The following UBE2E3 variants were observed in gnomAD, a reference collection of about 807,000 sequenced individuals.
The protein encoded by UBE2E3 is ubiquitin conjugating enzyme E2 E3, also known as ubiquitin-conjugating enzyme E2 E3.
UBE2E3 carries 5 observed loss-of-function variants against 23.6 expected under a neutral mutation model. The ratio of observed to expected loss-of-function variants is 0.21; its 90% CI spans 0.11 to 0.44. UBE2E3 has a LOEUF of 0.44. Ranked by LOEUF, UBE2E3 falls within the 20% of genes least tolerant of loss-of-function variation. The probability of loss-of-function intolerance (pLI) is 0.99; values close to 1 mark genes in which losing one functional copy is unlikely to be tolerated. For missense variants in UBE2E3, 81 were observed against 249.8 expected (o/e 0.32, Z 4.55); for synonymous variants, 78 against 87.5 (o/e 0.89, Z 0.60).
At chr2:181,057,590 T>C (rs1056968546) in intron 3 of UBE2E3, 103 bp from the exon 4 acceptor site, 1 of 898,780 alleles carries the variant, frequency 1.1e-6, no homozygotes, top group Non-Finnish European at 1.7e-6. Flanking sequence ...TTACTTCTTA[T>C]TGCTCTAGAT....
At chr2:181,035,045 A>G (rs1347323952) in intron 3 of UBE2E3, among the ~76,000 whole-genome samples, 1 of 152,234 alleles carries the variant, frequency 6.6e-6, no homozygotes, top group Non-Finnish European at 1.5e-5. Flanking sequence ...GAAAAGCTAC[A>G]TAATAAATAT....
chr2:181,025,556 T>C (rs1685857923), intron 3 of UBE2E3, among the ~76,000 whole-genome samples: 2 of 152,088 alleles, frequency 1.3e-5, no homozygotes, highest in South Asian at 4.1e-4. Context: ...AAGTTGTTAA[T>C]AGTTGTAAAA....
At chr2:181,058,942 G>A (rs1160134106) in intron 4 of UBE2E3, among the ~76,000 whole-genome samples, 1 of 151,466 alleles carries the variant, frequency 6.6e-6, no homozygotes, top group African/African-American at 2.4e-5. Context: ...TTGCATATGG[G>A]GAAGATTAAT....
In UBE2E3 at chr2:181,021,182, G is replaced by T. The variant is rs149929896; in HGVS notation, c.246-36511G>T. 9.2e-5 allele frequency among the ~76,000 whole-genome samples: 14 copies of T among 152,228 alleles called. No homozygotes were observed. The East Asian group carries it at 2.5e-3, about 27-fold the overall frequency. The stretch of plus-strand genomic sequence containing the variant: ...ATGTAGTTGCGACTACGAAACATGA[G>T]ATTAGTCAGGATTGTGATGTTTTTG... On this transcript the variant is annotated intron_variant, in intron 3 of 5. Coordinates refer to ENST00000410062, the MANE Select transcript of UBE2E3 (RefSeq NM_006357.4).
intron 3 of UBE2E3, among the ~76,000 whole-genome samples, chr2:181,006,359 C>G (rs1685147244): frequency 7.2e-6 from 1 of 138,146 alleles, no homozygotes; most frequent in Non-Finnish European, 1.5e-5. Flanking sequence ...TATATGCATT[C>G]TGTTCATATT....
chr2:180,985,917 G>T (rs1684452310), intron 3 of UBE2E3, among the ~76,000 whole-genome samples: 3 of 151,800 alleles, frequency 2.0e-5, no homozygotes, highest in Middle Eastern at 3.4e-3. Flanking sequence ...AGTTGCCAAA[G>T]AAATCTACTT....
intron 3 of UBE2E3, among the ~76,000 whole-genome samples, chr2:181,021,586 T>TCCTCCCTC (rs1685688823): frequency 2.6e-4 from 15 of 57,744 alleles, no homozygotes; most frequent in African/African-American, 1.2e-3. Context: ...CTCCCTCCCT[T>TCCTCCCTC]CCTTCCTCCC....
chr2:181,011,832 A>G (rs1277705950), intron 3 of UBE2E3, among the ~76,000 whole-genome samples: 1 of 152,178 alleles, frequency 6.6e-6, no homozygotes, highest in Non-Finnish European at 1.5e-5. Flanking sequence ...GATTTTAGGA[A>G]GAGCAAATGA....
At chr2:180,995,495 A>C (rs1684799120) in intron 3 of UBE2E3, among the ~76,000 whole-genome samples, 1 of 152,166 alleles carries the variant, frequency 6.6e-6, no homozygotes, top group Non-Finnish European at 1.5e-5. Context: ...GGTCAAGAAT[A>C]GGCTATTAAG....
intron 3 of UBE2E3, among the ~76,000 whole-genome samples, chr2:181,034,620 T>C (rs934737239): frequency 3.3e-5 from 5 of 152,178 alleles, no homozygotes; most frequent in African/African-American, 4.8e-5. Context: ...GGCACATGTA[T>C]ACATATGTAA....
In UBE2E3 at chr2:181,041,680, C is replaced by T. The variant is rs942510066; in HGVS notation, c.246-16013C>T. Among the ~76,000 whole-genome samples, 7 of 105,880 alleles carry T rather than the reference C, an allele frequency of 6.6e-5. No individual in the cohort carries two copies. In the South Asian group the frequency reaches 1.2e-3, roughly 18 times the overall value. The allele number at this position is 105,880 out of a possible 152,430, so 69.5% of individuals were successfully genotyped here. On this transcript the variant is annotated intron_variant, in intron 3 of 5. Transcript: ENST00000410062. ...CTCGAACTCCTGACCTTATGATCCG[C>T]CTGCCTCAGCCTCCCAGAGTGCTGG... is the stretch of plus-strand genomic sequence containing the variant.
intron 3 of UBE2E3, among the ~76,000 whole-genome samples, chr2:181,037,895 G>T (rs1168263073): frequency 4.6e-5 from 7 of 152,170 alleles, no homozygotes; most frequent in Admixed American, 4.6e-4. Context: ...TTGAGCCCAG[G>T]AGTTCAAGAT....
intron 3 of UBE2E3, chr2:180,987,248 G>A: frequency 7.2e-7 from 1 of 1,381,832 alleles, no homozygotes; most frequent in East Asian, 2.5e-5. Flanking sequence ...TGTGTTATGG[G>A]CATTTCCCTA....
At chr2:181,019,137 A>G (rs1348015044) in intron 3 of UBE2E3, among the ~76,000 whole-genome samples, 2 of 152,116 alleles carry the variant, frequency 1.3e-5, no homozygotes, top group Admixed American at 6.6e-5. Context: ...CTGATTTTGC[A>G]TTTTTAGTGG....
chr2:181,032,814 T>C (rs561992162), intron 3 of UBE2E3, among the ~76,000 whole-genome samples: 48 of 152,304 alleles, frequency 3.2e-4, no homozygotes, highest in African/African-American at 1.1e-3. Flanking sequence ...CTCCTTAAGC[T>C]GATAAGCAAC....
At chr2:180,997,845 T>A (rs1684873425) in intron 3 of UBE2E3, among the ~76,000 whole-genome samples, 1 of 152,182 alleles carries the variant, frequency 6.6e-6, no homozygotes, top group African/African-American at 2.4e-5. Context: ...TTTTAAAGCC[T>A]ATTTCAGATG....
At chr2:180,986,791 G>T (rs1416421780) in intron 3 of UBE2E3, among the ~76,000 whole-genome samples, 1 of 152,032 alleles carries the variant, frequency 6.6e-6, no homozygotes. Context: ...CCTCAGGGAA[G>T]AAATGTAAAG....
chr2:181,037,435 G>A (rs1182364477), intron 3 of UBE2E3, among the ~76,000 whole-genome samples: 3 of 152,174 alleles, frequency 2.0e-5, no homozygotes, highest in South Asian at 2.1e-4. Context: ...AGGATGTGGC[G>A]GTGGAAGACA....
intron 3 of UBE2E3, among the ~76,000 whole-genome samples, chr2:181,009,478 A>C (rs957625711): frequency 6.6e-6 from 1 of 151,770 alleles, no homozygotes; most frequent in Non-Finnish European, 1.5e-5. Flanking sequence ...ACATACTACT[A>C]CTCCTACCAT....
Sources: allele counts gnomAD v4.1 joint callset (sites outside exome capture counted in the v4.1 genomes callset), GRCh38; gene constraint gnomAD v4.1.1; transcripts MANE v1.5; gene names NCBI Gene and HGNC (gene_info 2026-07-23, HGNC 2026-07-21).